Variants in PTCD2 observed in about 807,000 individuals in gnomAD.
PTCD2 encodes the protein pentatricopeptide repeat domain 2, also known as pentatricopeptide repeat-containing protein 2, mitochondrial.
Under a neutral mutation model 42.6 loss-of-function variants are expected in PTCD2, and 31 were observed. The ratio of observed to expected loss-of-function variants is 0.73; its 90% CI spans 0.55 to 0.98. The LOEUF (loss-of-function observed/expected upper bound fraction) is 0.98. Ranked by LOEUF, PTCD2 falls within the 50% of genes least tolerant of loss-of-function variation. The probability of loss-of-function intolerance (pLI) is 0.00; values close to 1 mark genes in which losing one functional copy is unlikely to be tolerated. For missense variants in PTCD2, 476 were observed against 454.8 expected, an observed-to-expected ratio of 1.05 and a Z score of -0.42; for synonymous variants, 183 against 170.9, an observed-to-expected ratio of 1.07 and a Z score of -0.55.
In PTCD2 at chr5:72,326,662, T is replaced by C. The variant is rs1751156088; in HGVS notation, c.271T>C (p.Leu91=). The C allele has an allele frequency of 6.2e-7, 1 of 1,614,184 alleles. No individual in the cohort carries two copies. The highest frequency in any genetic ancestry group is 8.5e-7 in the Non-Finnish European group (1 of 1,179,972). ...KKKLTQNKLI[L]KGELITLLHL... Reference sequence around the variant, plus strand: ...GAAACTGACCCAGAACAAGCTCATCTTGAAGGGGGAGTTGATAACCTTACT... The same window carrying C: ...GAAACTGACCCAGAACAAGCTCATCCTGAAGGGGGAGTTGATAACCTTACT... The change falls in exon 3 of 10, where the codon TTG becomes CTG. Residue 91 remains leucine (L), a synonymous_variant. Coordinates refer to ENST00000380639, the MANE Select transcript of PTCD2 (RefSeq NM_024754.5).
At position 72,365,838 on chromosome 5, in the gene PTCD2, A is replaced by G. The variant is rs1753191498; in HGVS notation, c.*7411A>G. ...TTTTTAACACATTGGTCCTTAGGTGATACAGAATTCAACAAAAACGGGGCT... is the reference window on the plus strand; with the variant it reads ...TTTTTAACACATTGGTCCTTAGGTGGTACAGAATTCAACAAAAACGGGGCT... On this transcript the variant is annotated 3_prime_UTR_variant, in exon 10 of 10. Transcript: ENST00000380639. 6.6e-6 allele frequency: 1 copy of G among 152,206 alleles called. No individual in the cohort carries two copies. Among genetic ancestry groups the G allele is most frequent in the Non-Finnish European group, 1.5e-5 (1 of 68,032 alleles). 9.4% of individuals were successfully genotyped at this position (152,206 alleles called of 1,614,324 possible). A position where few individuals can be genotyped will look rare whatever the true frequency, so the allele number is the denominator to read the frequency against.
In PTCD2 at chr5:72,326,668, G is replaced by T; in HGVS notation, c.277G>T (p.Gly93Trp). Residue 93 changes from glycine to tryptophan, a missense_variant, in exon 3 of 10, where the codon GGG becomes TGG. Coordinates refer to ENST00000380639, the MANE Select transcript of PTCD2 (RefSeq NM_024754.5). ...GACCCAGAACAAGCTCATCTTGAAG[G>T]GGGAGTTGATAACCTTACTACATTT... ...KLTQNKLILK[G>W]ELITLLHLCE... 1 of 1,614,082 alleles carries T rather than the reference G, an allele frequency of 6.2e-7. No homozygotes were observed. Among genetic ancestry groups the T allele is most frequent in the Non-Finnish European group, 8.5e-7 (1 of 1,179,910 alleles).
At chr5:72,333,671 G>A (rs1218976765) in intron 4 of PTCD2, among the ~76,000 whole-genome samples, 1 of 152,154 alleles carries the variant, frequency 6.6e-6, no homozygotes, top group African/African-American at 2.4e-5. Flanking sequence ...ATAAGTTCAA[G>A]GGATTTCTCT....
chr5:72,344,298 G>A (rs1488265439), intron 8 of PTCD2, among the ~76,000 whole-genome samples: 1 of 152,178 alleles, frequency 6.6e-6, no homozygotes, highest in African/African-American at 2.4e-5. Context: ...TGGATCATGA[G>A]GTCAGGAGAT....
At chr5:72,339,995 A>G (rs1751970504) in intron 7 of PTCD2, among the ~76,000 whole-genome samples, 2 of 152,104 alleles carry the variant, frequency 1.3e-5, no homozygotes, top group African/African-American at 2.4e-5. Context: ...TGTCTCTTAT[A>G]TACTGCATAA....
chr5:72,330,224 G>A (rs1416960840), intron 3 of PTCD2, among the ~76,000 whole-genome samples: 1 of 152,034 alleles, frequency 6.6e-6, no homozygotes, highest in Non-Finnish European at 1.5e-5. Flanking sequence ...ACAGGTGTGA[G>A]CCACTGTGCC....
At chr5:72,331,174 C>A in intron 3 of PTCD2, 84 bp from the exon 4 acceptor site, 1 of 862,136 alleles carries the variant, frequency 1.2e-6, no homozygotes, top group Non-Finnish European at 2.0e-6. Flanking sequence ...TGTCCCAGTA[C>A]CTGGCACAGT....
chr5:72,342,560 G>A (rs1752126619), intron 7 of PTCD2, among the ~76,000 whole-genome samples: 1 of 152,164 alleles, frequency 6.6e-6, no homozygotes, highest in Admixed American at 6.5e-5. Context: ...GCTTTCTCCT[G>A]AACCCTGCCA....
In PTCD2 at chr5:72,363,949, A is replaced by G. The variant is rs1753146700; in HGVS notation, c.*5522A>G. 6.6e-6 allele frequency: 1 copy of G among 152,224 alleles called. No individual in the cohort carries two copies. Among genetic ancestry groups the G allele is most frequent in the African/African-American group, 2.4e-5 (1 of 41,462 alleles). The allele number at this position is 152,224 out of a possible 1,614,324, so 9.4% of individuals were successfully genotyped here. Reference sequence around the variant, plus strand: ...CACTTCATAGATAAACTAGCCATAAAAAAGATTACAGCGGCAAAAGCTATC... The same window carrying G: ...CACTTCATAGATAAACTAGCCATAAGAAAGATTACAGCGGCAAAAGCTATC... On this transcript the variant is annotated 3_prime_UTR_variant, in exon 10 of 10. Transcript: ENST00000380639.
intron 3 of PTCD2, among the ~76,000 whole-genome samples, chr5:72,328,796 A>T (rs574994714): frequency 6.6e-6 from 1 of 152,188 alleles, no homozygotes; most frequent in Non-Finnish European, 1.5e-5. Context: ...ATTTTCATCA[A>T]CTATGCCCAT....
intron 8 of PTCD2, among the ~76,000 whole-genome samples, chr5:72,348,503 A>G (rs1752470774): frequency 1.3e-5 from 2 of 152,276 alleles, no homozygotes; most frequent in East Asian, 1.9e-4. Context: ...CCAGTTTCCT[A>G]TTTTCCCAGC....
Position 72,358,823 on chromosome 5 carries a change from G to C in PTCD2, c.*396G>C, listed in dbSNP as rs147073609. The C allele has an allele frequency of 8.8e-4, 188 of 214,378 alleles. No individual in the cohort carries two copies. The highest frequency in any genetic ancestry group is 1.4e-3 in the Non-Finnish European group (151 of 106,308). The allele number at this position is 214,378 out of a possible 1,614,324, so 13.3% of individuals were successfully genotyped here. ...AATTACATCCTTGCTGAATTCAGGA[G>C]GTATGAAACCCTATTTTACCATGTT... On this transcript the variant is annotated 3_prime_UTR_variant, in exon 10 of 10. Coordinates refer to ENST00000380639, the MANE Select transcript of PTCD2 (RefSeq NM_024754.5).
At position 72,366,173 on chromosome 5, in the gene PTCD2, G is replaced by T. The variant is rs1011070853; in HGVS notation, c.*7746G>T. On this transcript the variant is annotated 3_prime_UTR_variant, in exon 10 of 10. Transcript: ENST00000380639. ...GGAGGTTACAGTGAGCCTAGACTGC[G>T]CCATTGCACTCTAGCCTAGGCGACA... 6.6e-6 allele frequency: 1 copy of T among 152,102 alleles called. No individual in the cohort carries two copies. Among genetic ancestry groups the T allele is most frequent in the Non-Finnish European group, 1.5e-5 (1 of 68,036 alleles). 9.4% of individuals were successfully genotyped at this position (152,102 alleles called of 1,614,324 possible). A position where few individuals can be genotyped will look rare whatever the true frequency, so the allele number is the denominator to read the frequency against.
intron 9 of PTCD2, among the ~76,000 whole-genome samples, chr5:72,356,866 CAGTGTTATATATTTGGAA>C (rs1047149350): frequency 1.9e-4 from 29 of 152,124 alleles, no homozygotes; most frequent in Admixed American, 5.9e-4. Context: ...CAGGTGCAAA[CAGTGTTATATATTTGGAA>C]GAGGTGGAAG....
At position 72,320,506 on chromosome 5, in the gene PTCD2, G is replaced by C; in HGVS notation, c.124G>C (p.Gly42Arg). The C allele has an allele frequency of 2.5e-6, 4 of 1,613,844 alleles. No individual in the cohort carries two copies. Among genetic ancestry groups the C allele is most frequent in the Non-Finnish European group, 3.4e-6 (4 of 1,180,032 alleles). The change falls in exon 1 of 10, where the codon GGA becomes CGA. Residue 42 changes from glycine to arginine, a missense_variant. Gly to Arg is a moderately radical substitution (Grantham distance 125). Transcript: ENST00000380639. Reference protein sequence around the residue: ...SGSVSCRCPLGAKRYLLTDNV... With the variant: ...SGSVSCRCPLRAKRYLLTDNV... ...CTCTGTCAGCTGCCGCTGCCCTCTCGGAGGTATCCGCGGCTTTAGCCTAGG... is the reference window on the plus strand; with the variant it reads ...CTCTGTCAGCTGCCGCTGCCCTCTCCGAGGTATCCGCGGCTTTAGCCTAGG...
intron 2 of PTCD2, among the ~76,000 whole-genome samples, chr5:72,325,385 T>C (rs1751085377): frequency 6.6e-6 from 1 of 152,248 alleles, no homozygotes; most frequent in Admixed American, 6.5e-5. Context: ...CAATAATGTT[T>C]CTATTTACTG....
intron 4 of PTCD2, 47 bp from the exon 5 acceptor site, chr5:72,334,968 CAAT>C (rs761421067): frequency 8.8e-7 from 1 of 1,139,948 alleles, no homozygotes; most frequent in Admixed American, 1.7e-5. Context: ...AGTACCTCCT[CAAT>C]AAATAGTTTT....
rs1753148045 is a variant in PTCD2 at position 72,364,015 on chromosome 5, A to G, written c.*5588A>G. On this transcript the variant is annotated 3_prime_UTR_variant, in exon 10 of 10. Coordinates refer to ENST00000380639, the MANE Select transcript of PTCD2 (RefSeq NM_024754.5). ...TATGCATAAGAAACCGTGAGGAACC[A>G]AATCATGGTAAAATTGATTCTAAGG... is the stretch of plus-strand genomic sequence containing the variant. 1 of 152,240 alleles carries G rather than the reference A, an allele frequency of 6.6e-6. No homozygotes were observed. Among genetic ancestry groups the G allele is most frequent in the African/African-American group, 2.4e-5 (1 of 41,472 alleles). 9.4% of individuals were successfully genotyped at this position (152,240 alleles called of 1,614,324 possible). A position where few individuals can be genotyped will look rare whatever the true frequency, so the allele number is the denominator to read the frequency against.
At chr5:72,331,915 A>C (rs1294501311) in intron 4 of PTCD2, among the ~76,000 whole-genome samples, 1 of 152,144 alleles carries the variant, frequency 6.6e-6, no homozygotes, top group Admixed American at 6.5e-5. Flanking sequence ...GTTTCATTTT[A>C]TTTGTTTCTC....
Sources: allele counts gnomAD v4.1 joint callset (sites outside exome capture counted in the v4.1 genomes callset), GRCh38; gene constraint gnomAD v4.1.1; transcripts MANE v1.5; gene names NCBI Gene and HGNC (gene_info 2026-07-23, HGNC 2026-07-21).